Variants in SLC5A4 observed in about 807,000 individuals in gnomAD.
SLC5A4 encodes the protein probable glucose sensor protein SLC5A4.
Under a neutral mutation model 70.3 loss-of-function variants are expected in SLC5A4, and 55 were observed. The observed-to-expected ratio is 0.78, with a 90% CI of 0.63 to 0.98. The LOEUF is 0.98. Among genes scored for constraint, SLC5A4 ranks in the 50% least tolerant of loss-of-function variants. The probability of loss-of-function intolerance (pLI) is 0.00; values close to 1 mark genes in which losing one functional copy is unlikely to be tolerated. For missense variants in SLC5A4, 735 were observed against 839.2 expected (o/e 0.88, Z 1.53); for synonymous variants, 268 against 305.7 (o/e 0.88, Z 1.29).
At chr22:32,242,798 A>T (rs961131688) in intron 5 of SLC5A4, among the ~76,000 whole-genome samples, 1 of 152,222 alleles carries the variant, frequency 6.6e-6, no homozygotes, top group Non-Finnish European at 1.5e-5. Context: ...GTAATAGATA[A>T]ATAGAGAAGG....
rs187309424 is a variant in SLC5A4, at chr22:32,219,012, A to C, written c.1769-287T>G. On this transcript the variant is annotated intron_variant, in intron 14 of 14. Transcript: ENST00000266086. ...TTTAATATATAATGGGTTTCTAAAAATAGGTAAGAAAAGGCTATCAACAGC... is the reference window on the plus strand; with the variant it reads ...TTTAATATATAATGGGTTTCTAAAACTAGGTAAGAAAAGGCTATCAACAGC... Among the ~76,000 whole-genome samples the C allele has an allele frequency of 5.3e-4, 80 of 152,330 alleles. 1 individual carries two copies. The highest frequency in any genetic ancestry group is 6.8e-3 in the Middle Eastern group (2 of 294).
the SLC5A4 span, among the ~76,000 whole-genome samples, chr22:32,339,903 C>A: frequency 1.9e-4 from 29 of 152,222 alleles, no homozygotes; most frequent in Admixed American, 1.8e-3. Context: ...CTTTCGGGGA[C>A]CCCCGAGGTT....
chr22:32,295,498 T>G, the SLC5A4 span, among the ~76,000 whole-genome samples: 1 of 110,620 alleles, frequency 9.0e-6, no homozygotes, highest in Non-Finnish European at 2.0e-5. Flanking sequence ...TCGCCCACTT[T>G]TTGATGGGGT....
At chr22:32,278,478 AATGCTTCAGG>A in the SLC5A4 span, among the ~76,000 whole-genome samples, 1 of 152,236 alleles carries the variant, frequency 6.6e-6, no homozygotes, top group East Asian at 1.9e-4. Flanking sequence ...AGTTCCAGAA[AATGCTTCAGG>A]ATTCACCCCA....
chr22:32,248,264 G>C (rs977498002), intron 4 of SLC5A4, among the ~76,000 whole-genome samples: 16 of 152,172 alleles, frequency 1.1e-4, no homozygotes, highest in African/African-American at 3.4e-4. Context: ...CCATAGAACT[G>C]ATGTCTGTGG....
chr22:32,279,262 T>C, the SLC5A4 span, among the ~76,000 whole-genome samples: 9,372 of 152,214 alleles, frequency 0.062, 449 homozygotes, highest in Admixed American at 0.16. Context: ...GGCGACAGAG[T>C]GAGACTCCGT....
At chr22:32,264,766 T>C in the SLC5A4 span, among the ~76,000 whole-genome samples, 928 of 152,314 alleles carry the variant, frequency 6.1e-3, 7 homozygotes, top group Admixed American at 0.011. Context: ...ACACAAAATA[T>C]ATTACTGATA....
rs141723473 is a variant in SLC5A4 at position 32,247,052 on chromosome 22, T to C, written c.477+359A>G. 1.0e-3 allele frequency among the ~76,000 whole-genome samples: 158 copies of C among 152,344 alleles called. 2 individuals carry two copies. The highest frequency in any genetic ancestry group is 3.4e-3 in the African/African-American group (142 of 41,582). On this transcript the variant is annotated intron_variant, in intron 5 of 14. Coordinates refer to ENST00000266086, the MANE Select transcript of SLC5A4 (RefSeq NM_014227.3). ...TCTGAGAAAGAATATAAAGGTTATC[T>C]TGCAATGGAAAAGGCAGGCGACCAA...
chr22:32,300,037 G>C, the SLC5A4 span, among the ~76,000 whole-genome samples: 3 of 144,876 alleles, frequency 2.1e-5, no homozygotes, highest in Non-Finnish European at 4.6e-5. Context: ...TGCATGCTGG[G>C]AGAACCACTG....
At chr22:32,246,208 C>T (rs111651595) in intron 5 of SLC5A4, among the ~76,000 whole-genome samples, 35 of 152,220 alleles carry the variant, frequency 2.3e-4, no homozygotes, top group Non-Finnish European at 4.1e-4. Flanking sequence ...ATCTTTGCTA[C>T]GCTCACACAA....
At position 32,224,388 on chromosome 22, in the gene SLC5A4, C is replaced by T. The variant is rs1290127558; in HGVS notation, c.1544G>A (p.Ser515Asn). The T allele has an allele frequency of 6.2e-7, 1 of 1,614,070 alleles. No individual in the cohort carries two copies. Reference sequence around the variant, plus strand: ...TCCACAGATAATCTTGGGACAGTTACTGGGAGCCAAGCAACTCCCTGTTCC... The same window carrying T: ...TCCACAGATAATCTTGGGACAGTTATTGGGAGCCAAGCAACTCCCTGTTCC... ...AYGTGSCLAP[S>N]NCPKIICGVH... Residue 515 changes from serine (S) to asparagine (N), a missense_variant, in exon 13 of 15, where the codon AGT becomes AAT. Transcript: ENST00000266086.
the SLC5A4 span, among the ~76,000 whole-genome samples, chr22:32,292,509 G>C: frequency 6.6e-6 from 1 of 150,878 alleles, no homozygotes; most frequent in Non-Finnish European, 1.5e-5. Context: ...TATCTTAGAG[G>C]CAGAGAGTGA....
chr22:32,316,797 C>G, the SLC5A4 span, among the ~76,000 whole-genome samples: 2 of 152,102 alleles, frequency 1.3e-5, no homozygotes, highest in African/African-American at 4.8e-5. Context: ...CTCAGCCTCC[C>G]AAAGTGCTGG....
intron 7 of SLC5A4, among the ~76,000 whole-genome samples, chr22:32,236,214 A>T (rs1173645687): frequency 1.3e-5 from 2 of 152,254 alleles, no homozygotes; most frequent in Non-Finnish European, 2.9e-5. Flanking sequence ...AATGTTCCGT[A>T]TCCATGCCGT....
intron 5 of SLC5A4, 93 bp downstream of exon 5, chr22:32,247,318 T>G (rs1192368355): frequency 1.7e-5 from 13 of 757,916 alleles, no homozygotes; most frequent in Non-Finnish European, 2.9e-5. Context: ...TAAAGGCTGT[T>G]GACAGTCTAC....
At chr22:32,275,261 A>G in the SLC5A4 span, among the ~76,000 whole-genome samples, 1 of 152,186 alleles carries the variant, frequency 6.6e-6, no homozygotes, top group Non-Finnish European at 1.5e-5. Flanking sequence ...TTTAGGGTAC[A>G]TGTGCACAAC....
the SLC5A4 span, among the ~76,000 whole-genome samples, chr22:32,281,281 A>G: frequency 4.6e-5 from 7 of 152,094 alleles, no homozygotes; most frequent in Non-Finnish European, 8.8e-5. Flanking sequence ...TGCGGTTGGA[A>G]TGTTCTTTTA....
upstream of SLC5A4, chr22:32,255,361 A>G (rs752977182): frequency 6.2e-7 from 1 of 1,606,678 alleles, no homozygotes; most frequent in Non-Finnish European, 8.5e-7. Flanking sequence ...CATTCCACGC[A>G]TGAGCCATCT....
In SLC5A4 at chr22:32,232,935, C is replaced by T. The variant is rs774682137; in HGVS notation, c.985G>A (p.Val329Met). ...YLKLLPMFLM[V>M]MPGMISRILY... The stretch of plus-strand genomic sequence containing the variant: ...ATGCGGCTGATCATCCCCGGCATCA[C>T]CATGAGGAACATGGGCAGCAGCTTC... The change falls in exon 9 of 15, where the codon GTG becomes ATG. Residue 329 changes from valine (V) to methionine (M), a missense_variant. Val to Met is a conservative substitution (Grantham distance 21). Coordinates refer to ENST00000266086, the MANE Select transcript of SLC5A4 (RefSeq NM_014227.3). 74 of 1,614,040 alleles carry T rather than the reference C, an allele frequency of 4.6e-5. No individual in the cohort carries two copies. In the Middle Eastern group the frequency reaches 2.5e-3, roughly 54 times the overall value.
Sources: allele counts gnomAD v4.1 joint callset (sites outside exome capture counted in the v4.1 genomes callset), GRCh38; gene constraint gnomAD v4.1.1; transcripts MANE v1.5; gene names NCBI Gene and HGNC (gene_info 2026-07-23, HGNC 2026-07-21).